The following CD33 variants were observed in gnomAD, a reference collection of about 807,000 sequenced individuals.
The protein encoded by CD33 is CD33 molecule.
In CD33, 25 loss-of-function variants were observed where a neutral mutation model predicts 31.4. That is an observed-to-expected ratio of 0.80 (90% CI 0.58 to 1.11). CD33 has a LOEUF of 1.11. Among genes scored for constraint, CD33 ranks in the 50% most tolerant of loss-of-function variants. CD33 has a pLI of 0.00. For synonymous variants in CD33, 176 were observed against 180.6 expected (o/e 0.97, Z 0.20); for missense variants, 407 against 448.1 (o/e 0.91, Z 0.83).
At chr19:51,222,263 G>A (rs755383399), upstream of CD33, among the ~76,000 whole-genome samples, 2 of 152,198 alleles carry the variant, frequency 1.3e-5, no homozygotes, top group Non-Finnish European at 2.9e-5. Flanking sequence ...ACAAGGGTGT[G>A]GAGCTACTGG....
At chr19:51,215,076 G>A in the CD33 span, among the ~76,000 whole-genome samples, 1 of 152,146 alleles carries the variant, frequency 6.6e-6, no homozygotes, top group Non-Finnish European at 1.5e-5. Flanking sequence ...CCATTGGGGA[G>A]GCAGCTGTGA....
At chr19:51,230,758 G>A (rs553358192) in intron 4 of CD33, among the ~76,000 whole-genome samples, 54 of 152,296 alleles carry the variant, frequency 3.5e-4, no homozygotes, top group African/African-American at 1.3e-3. Context: ...TTCTAGGTGA[G>A]ATAAGTTTCT....
upstream of CD33, among the ~76,000 whole-genome samples, chr19:51,220,308 A>T (rs1049691818): frequency 2.0e-5 from 3 of 152,216 alleles, no homozygotes; most frequent in Non-Finnish European, 4.4e-5. Flanking sequence ...GAAACAAAAG[A>T]TATTATTCTC....
chr19:51,214,603 A>G, the CD33 span, among the ~76,000 whole-genome samples: 1 of 152,072 alleles, frequency 6.6e-6, no homozygotes, highest in Non-Finnish European at 1.5e-5. Flanking sequence ...GCGTATTTTC[A>G]TGGTCTTATT....
chr19:51,227,244 G>T (rs1344475876), intron 4 of CD33, among the ~76,000 whole-genome samples: 1 of 152,020 alleles, frequency 6.6e-6, no homozygotes, highest in Admixed American at 6.6e-5. Context: ...CAGTAGTGGG[G>T]TTGCTGGATC....
In CD33 at chr19:51,225,886, G is replaced by A; in HGVS notation, c.502G>A (p.Ala168Thr). ...SKNLTCSVSW[A>T]CEQGTPPIFS... ...AAACCTGACCTGCTCTGTGTCCTGG[G>A]CCTGTGAGCAGGGAACACCCCCGAT... is the stretch of plus-strand genomic sequence containing the variant. Residue 168 changes from alanine (A) to threonine (T), a missense_variant, in exon 3 of 7, where the codon GCC (alanine) becomes ACC (threonine). Coordinates refer to ENST00000262262, the MANE Select transcript of CD33 (RefSeq NM_001772.4). 1 of 1,614,018 alleles carries A rather than the reference G, an allele frequency of 6.2e-7. No homozygotes were observed. Among genetic ancestry groups the A allele is most frequent in the Non-Finnish European group, 8.5e-7 (1 of 1,180,004 alleles).
Position 51,239,963 on chromosome 19 carries a change from C to G in CD33, c.*275C>G. On this transcript the variant is annotated 3_prime_UTR_variant, in exon 7 of 7. Transcript: ENST00000262262. ...CTCTGTGAAGTAGGTATAAGAAGTCCTATCTCATAGGGATGCTGTGAGCAT... is the reference window on the plus strand; with the variant it reads ...CTCTGTGAAGTAGGTATAAGAAGTCGTATCTCATAGGGATGCTGTGAGCAT... 1 of 275,020 alleles carries G rather than the reference C, an allele frequency of 3.6e-6. No homozygotes were observed. The highest frequency in any genetic ancestry group is 6.8e-6 in the Non-Finnish European group (1 of 147,778). The allele number at this position is 275,020 out of a possible 1,614,324, so 17.0% of individuals were successfully genotyped here.
At chr19:51,214,780 C>A in the CD33 span, among the ~76,000 whole-genome samples, 2 of 152,140 alleles carry the variant, frequency 1.3e-5, no homozygotes. Flanking sequence ...ATTTTGTGAG[C>A]TATCATTTCA....
intron 5 of CD33, 146 bp downstream of exon 5, chr19:51,235,399 C>A: frequency 8.2e-7 from 1 of 1,217,324 alleles, no homozygotes; most frequent in Non-Finnish European, 1.1e-6. Flanking sequence ...CTGGGATAGG[C>A]GTGGGTCTAT....
chr19:51,234,623 GA>G (rs1981648438), intron 4 of CD33, among the ~76,000 whole-genome samples: 1 of 152,126 alleles, frequency 6.6e-6, no homozygotes, highest in Non-Finnish European at 1.5e-5. Context: ...ACACGCCCCT[GA>G]CTCTGAGTGT....
chr19:51,211,191 C>T, the CD33 span: 1 of 1,578,496 alleles, frequency 6.3e-7, no homozygotes, highest in Non-Finnish European at 8.6e-7. Flanking sequence ...GCCGAGCTGA[C>T]CCTCGTTTCC....
At chr19:51,212,313 C>G in the CD33 span, among the ~76,000 whole-genome samples, 1 of 152,098 alleles carries the variant, frequency 6.6e-6, no homozygotes, top group Admixed American at 6.5e-5. Flanking sequence ...CCTAGATGCT[C>G]TAGGGAACCT....
the CD33 span, chr19:51,211,828 C>T: frequency 9.9e-7 from 1 of 1,011,556 alleles, no homozygotes; most frequent in Non-Finnish European, 1.6e-6. Context: ...ATCCCGAGGA[C>T]CCTGGAATCT....
chr19:51,214,550 T>C, the CD33 span, among the ~76,000 whole-genome samples: 7 of 152,220 alleles, frequency 4.6e-5, no homozygotes, highest in African/African-American at 1.2e-4. Flanking sequence ...AGGTACATCA[T>C]TGTAGATTTA....
chr19:51,221,806 GT>G (rs1980700873), upstream of CD33, among the ~76,000 whole-genome samples: 1 of 152,172 alleles, frequency 6.6e-6, no homozygotes, highest in African/African-American at 2.4e-5. Context: ...AAAACAGTGA[GT>G]TACGAGTCAG....
chr19:51,216,352 G>A, the CD33 span, among the ~76,000 whole-genome samples: 6 of 151,998 alleles, frequency 3.9e-5, no homozygotes, highest in South Asian at 1.0e-3. Context: ...CCTACTATGT[G>A]CCAGCATTGT....
the CD33 span, among the ~76,000 whole-genome samples, chr19:51,214,976 T>A: frequency 6.6e-6 from 1 of 152,228 alleles, no homozygotes; most frequent in Admixed American, 6.5e-5. Flanking sequence ...ATGTTCAATA[T>A]GGACACAGAT....
chr19:51,226,003 G>A lies in CD33; in HGVS notation c.619G>A (p.Gly207Ser), dbSNP rs769533457. The change falls in exon 3 of 7, where the codon GGC becomes AGC. Residue 207 changes from glycine to serine, a missense_variant. Physicochemically the swap from Gly to Ser is moderately conservative, Grantham distance 56 (BLOSUM62 0). Transcript: ENST00000262262. ...AATCACCCCACGGCCCCAGGACCAC[G>A]GCACCAACCTGACCTGTCAGGTGAA... ...LIITPRPQDH[G>S]TNLTCQVKFA... is the part of the protein sequence containing the mutation. The A allele has an allele frequency of 7.4e-6, 12 of 1,613,920 alleles. No homozygotes were observed. Among genetic ancestry groups the A allele is most frequent in the Non-Finnish European group, 1.0e-5 (12 of 1,180,008 alleles).
At chr19:51,229,086 G>A (rs1981232588) in intron 4 of CD33, among the ~76,000 whole-genome samples, 1 of 152,026 alleles carries the variant, frequency 6.6e-6, no homozygotes, top group South Asian at 2.1e-4. Flanking sequence ...TTTATTGAGA[G>A]TTTCTATCAT....
Sources: allele counts gnomAD v4.1 joint callset (sites outside exome capture counted in the v4.1 genomes callset), GRCh38; gene constraint gnomAD v4.1.1; transcripts MANE v1.5; gene names NCBI Gene and HGNC (gene_info 2026-07-23, HGNC 2026-07-21).